The following LRRC8B variants were observed in gnomAD, a reference collection of about 807,000 sequenced individuals.
LRRC8B encodes the protein leucine rich repeat containing 8 VRAC subunit B, also known as volume-regulated anion channel subunit LRRC8B.
LRRC8B carries 23 observed loss-of-function variants against 58.8 expected under a neutral mutation model. That is an observed-to-expected ratio of 0.39 (90% confidence interval 0.28 to 0.55). The LOEUF (loss-of-function observed/expected upper bound fraction) is 0.55. Among genes scored for constraint, LRRC8B ranks in the 20% least tolerant of loss-of-function variants. The probability of loss-of-function intolerance (pLI) is 0.62; values close to 1 mark genes in which losing one functional copy is unlikely to be tolerated. For missense variants in LRRC8B, 694 were observed against 936.0 expected (o/e 0.74, Z 3.37); for synonymous variants, 359 against 374.1 (o/e 0.96, Z 0.47).
chr1:89,582,615 C>A lies in LRRC8B; in HGVS notation c.-26-10C>A. 6.8e-7 allele frequency: 1 copy of A among 1,481,234 alleles called. No homozygotes were observed. Among genetic ancestry groups the A allele is most frequent in the Non-Finnish European group, 9.4e-7 (1 of 1,067,300 alleles). The allele number at this position is 1,481,234 out of a possible 1,614,324, so 91.8% of individuals were successfully genotyped here. ...GCTTCAGTAGTGTTTCTTTTATTTC[C>A]CTCTTCCAGTTTCTGTCCTCCTACA... On this transcript the variant is annotated splice_polypyrimidine_tract_variant and intron_variant, in intron 4 of 5. Coordinates refer to ENST00000330947, the MANE Select transcript of LRRC8B (RefSeq NM_001369817.2).
chr1:89,577,543 T>C (rs1174043903), intron 3 of LRRC8B, among the ~76,000 whole-genome samples: 1 of 152,188 alleles, frequency 6.6e-6, no homozygotes, highest in Non-Finnish European at 1.5e-5. Flanking sequence ...AAATATGGTC[T>C]GGAAACAATT....
At chr1:89,525,337 A>C (rs954030129) in intron 1 of LRRC8B, among the ~76,000 whole-genome samples, 1 of 151,818 alleles carries the variant, frequency 6.6e-6, no homozygotes. Context: ...TTCCCCCGGG[A>C]GTCTCGGCGT....
chr1:89,570,773 A>G (rs1279633636), intron 3 of LRRC8B, among the ~76,000 whole-genome samples: 1 of 152,170 alleles, frequency 6.6e-6, no homozygotes, highest in Non-Finnish European at 1.5e-5. Flanking sequence ...CATCTTCATT[A>G]TGAAATCTTT....
intron 4 of LRRC8B, among the ~76,000 whole-genome samples, 186 bp from the exon 5 acceptor site, chr1:89,582,439 G>A (rs547458504): frequency 7.2e-5 from 11 of 152,302 alleles, no homozygotes; most frequent in Non-Finnish European, 1.5e-4. Flanking sequence ...ATGGTTCAGA[G>A]TTGGATGGCC....
intron 1 of LRRC8B, among the ~76,000 whole-genome samples, chr1:89,544,701 T>C (rs1651270846): frequency 1.3e-5 from 2 of 152,188 alleles, no homozygotes; most frequent in South Asian, 4.1e-4. Context: ...AGAACAGTGC[T>C]TTCTTGATAA....
chr1:89,527,234 T>C, intron 1 of LRRC8B, among the ~76,000 whole-genome samples: 1 of 152,252 alleles, frequency 6.6e-6, no homozygotes, highest in East Asian at 1.9e-4. Flanking sequence ...CTGAGTATTT[T>C]ATGTTTTCTG....
intron 1 of LRRC8B, among the ~76,000 whole-genome samples, chr1:89,560,865 A>T (rs1214849087): frequency 6.6e-6 from 1 of 152,088 alleles, no homozygotes; most frequent in Non-Finnish European, 1.5e-5. Context: ...ATGTGTCTTT[A>T]TAGCAGCATG....
chr1:89,554,332 A>G (rs1261272891), intron 1 of LRRC8B, among the ~76,000 whole-genome samples: 1 of 152,076 alleles, frequency 6.6e-6, no homozygotes, highest in Non-Finnish European at 1.5e-5. Context: ...CCCCCTAACT[A>G]TATAAATCTT....
chr1:89,539,770 T>C (rs534318482), intron 1 of LRRC8B, among the ~76,000 whole-genome samples: 40 of 152,314 alleles, frequency 2.6e-4, no homozygotes, highest in African/African-American at 9.6e-4. Context: ...CAGCTAGGTT[T>C]CTCCCACTTC....
In LRRC8B at chr1:89,594,555, G is replaced by A. The variant is rs1455664333; in HGVS notation, c.*1512G>A. 3 of 152,082 alleles carry A rather than the reference G, an allele frequency of 2.0e-5. No individual in the cohort carries two copies. Among genetic ancestry groups the A allele is most frequent in the Admixed American group, 1.3e-4 (2 of 15,266 alleles). The allele number at this position is 152,082 out of a possible 1,614,324, so 9.4% of individuals were successfully genotyped here. A position where few individuals can be genotyped will look rare whatever the true frequency, so the allele number is the denominator to read the frequency against. ...CTCCATCTATGTAATCTCTAGCTAT[G>A]ATTATAATGTAAAACAGCCTCTATT... On this transcript the variant is annotated 3_prime_UTR_variant, in exon 6 of 6. Coordinates refer to ENST00000330947, the MANE Select transcript of LRRC8B (RefSeq NM_001369817.2).
At chr1:89,545,633 CT>C (rs1651343797) in intron 1 of LRRC8B, among the ~76,000 whole-genome samples, 1 of 152,202 alleles carries the variant, frequency 6.6e-6, no homozygotes, top group African/African-American at 2.4e-5. Flanking sequence ...TCCTTTGGTT[CT>C]TTCCCTGTTA....
chr1:89,533,670 T>A (rs766988149), intron 1 of LRRC8B, among the ~76,000 whole-genome samples: 3 of 152,204 alleles, frequency 2.0e-5, no homozygotes, highest in Non-Finnish European at 4.4e-5. Flanking sequence ...CTTGGCCTCC[T>A]CCTGGATGCT....
At chr1:89,566,460 A>G (rs1006302602) in intron 1 of LRRC8B, among the ~76,000 whole-genome samples, 13 of 152,228 alleles carry the variant, frequency 8.5e-5, no homozygotes, top group Non-Finnish European at 1.9e-4. Context: ...CAATTGCCCG[A>G]GGCAGGGTGA....
At position 89,593,693 on chromosome 1, in the gene LRRC8B, C is replaced by T. The variant is rs559409067; in HGVS notation, c.*650C>T. The T allele has an allele frequency of 2.6e-5, 4 of 152,308 alleles. No homozygotes were observed. In the East Asian group the frequency reaches 7.7e-4, roughly 29 times the overall value. The allele number at this position is 152,308 out of a possible 1,614,324, so 9.4% of individuals were successfully genotyped here. Reference sequence around the variant, plus strand: ...TAGGTATTCTCTCCTCTTCTTCCCCCAGTCCCCATTACTTATTTGCACACT... The same window carrying T: ...TAGGTATTCTCTCCTCTTCTTCCCCTAGTCCCCATTACTTATTTGCACACT... On this transcript the variant is annotated 3_prime_UTR_variant, in exon 6 of 6. Transcript: ENST00000330947.
intron 3 of LRRC8B, among the ~76,000 whole-genome samples, chr1:89,568,739 G>A (rs554808837): frequency 2.0e-5 from 3 of 152,096 alleles, no homozygotes; most frequent in Admixed American, 2.0e-4. Context: ...AAATATATGT[G>A]TATATGATAT....
intron 1 of LRRC8B, among the ~76,000 whole-genome samples, chr1:89,530,921 A>T (rs1650085262): frequency 6.6e-6 from 1 of 152,064 alleles, no homozygotes; most frequent in Non-Finnish European, 1.5e-5. Flanking sequence ...ATGCCTCTCT[A>T]ATCCCTGTAA....
In LRRC8B at chr1:89,557,654, C is replaced by T. The variant is rs370279178; in HGVS notation, c.-240-10593C>T. ...CACACTGCTGCCATGGAAAACCAGC[C>T]CCTGCTTCTCACTCTCACTAGTGCG... On this transcript the variant is annotated intron_variant, in intron 1 of 5. Coordinates refer to ENST00000330947, the MANE Select transcript of LRRC8B (RefSeq NM_001369817.2). 1.8e-4 allele frequency among the ~76,000 whole-genome samples: 27 copies of T among 152,286 alleles called. 1 individual carries two copies. The East Asian group carries it at 4.4e-3, about 25-fold the overall frequency.
intron 1 of LRRC8B, among the ~76,000 whole-genome samples, chr1:89,535,726 C>T (rs921711853): frequency 7.2e-5 from 11 of 151,992 alleles, no homozygotes; most frequent in Admixed American, 5.9e-4. Flanking sequence ...GATAACCAGC[C>T]GCTTGACTGA....
chr1:89,562,053 A>G (rs1281703474), intron 1 of LRRC8B, among the ~76,000 whole-genome samples: 9 of 151,922 alleles, frequency 5.9e-5, no homozygotes, highest in Non-Finnish European at 8.8e-5. Context: ...GGATGGATGG[A>G]TGGATTGATC....
Sources: gnomAD v4.1 joint callset for allele counts (sites outside exome capture counted in the v4.1 genomes callset) on GRCh38, gnomAD v4.1.1 for gene constraint, MANE v1.5 for transcripts, NCBI Gene and HGNC (gene_info 2026-07-23, HGNC 2026-07-21) for gene names.